Variants in ATF7 observed in about 807,000 individuals in gnomAD.
ATF7 encodes the protein activating transcription factor 7.
ATF7 carries 10 observed loss-of-function variants against 50.4 expected under a neutral mutation model. The ratio of observed to expected loss-of-function variants is 0.20; its 90% confidence interval spans 0.12 to 0.34. The LOEUF (loss-of-function observed/expected upper bound fraction) is 0.34. Ranked by LOEUF, ATF7 falls within the 10% of genes least tolerant of loss-of-function variation. The pLI is 1.00. For synonymous variants in ATF7, 201 were observed against 226.4 expected, an observed-to-expected ratio of 0.89 and a Z score of 1.01; for missense variants, 465 against 613.9, an observed-to-expected ratio of 0.76 and a Z score of 2.56.
Position 53,521,681 on chromosome 12 carries a change from T to C in ATF7, c.1234+1595A>G, listed in dbSNP as rs144688791. Among the ~76,000 whole-genome samples, 576 of 152,352 alleles carry C rather than the reference T, an allele frequency of 3.8e-3. 4 individuals are homozygous for C. The highest frequency in any genetic ancestry group is 0.013 in the African/African-American group (547 of 41,584). On this transcript the variant is annotated intron_variant, in intron 11 of 11. Transcript: ENST00000420353. ...ACATTTACTGTTATCTAACATGTCATATATTTTACCTATTTATCTTGTTTA... is the reference window on the plus strand; with the variant it reads ...ACATTTACTGTTATCTAACATGTCACATATTTTACCTATTTATCTTGTTTA...
At position 53,517,272 on chromosome 12, in the gene ATF7, G is replaced by A. The variant is rs1445885562; in HGVS notation, c.1317C>T (p.Gly439=). ...CTTCAGCTGCAGAGCGAACACTGAG[G>A]CCATTGCTAGGGGCTGTTGCTGAGC... ...QHSSATAPSN[G]LSVRSAAEAV... Residue 439 remains glycine (G), a synonymous_variant, in exon 12 of 12, where the codon GGC becomes GGT. Coordinates refer to ENST00000420353, the MANE Select transcript of ATF7 (RefSeq NM_006856.3). 3 of 1,613,966 alleles carry A rather than the reference G, an allele frequency of 1.9e-6. No individual in the cohort carries two copies. Among genetic ancestry groups the A allele is most frequent in the Non-Finnish European group, 1.7e-6 (2 of 1,179,922 alleles).
intron 3 of ATF7, among the ~76,000 whole-genome samples, chr12:53,546,609 C>T (rs1221065079): frequency 3.4e-5 from 5 of 149,234 alleles, no homozygotes; most frequent in African/African-American, 9.9e-5. Context: ...CCACCATGCC[C>T]GGCTAATTTT....
chr12:53,528,382 C>T (rs1938615311), intron 9 of ATF7, among the ~76,000 whole-genome samples: 1 of 152,078 alleles, frequency 6.6e-6, no homozygotes, highest in Non-Finnish European at 1.5e-5. Flanking sequence ...AATCCCAGCA[C>T]TTTGGGAGGC....
At chr12:53,525,454 T>C (rs1652170607) in intron 9 of ATF7, among the ~76,000 whole-genome samples, 1 of 152,084 alleles carries the variant, frequency 6.6e-6, no homozygotes, top group Admixed American at 6.6e-5. Context: ...AATAAAAAAG[T>C]TTGAGAATCA....
At chr12:53,526,584 T>C (rs1274065865) in intron 9 of ATF7, among the ~76,000 whole-genome samples, 1 of 152,180 alleles carries the variant, frequency 6.6e-6, no homozygotes, top group Admixed American at 6.6e-5. Flanking sequence ...AATATTAGGA[T>C]GGCTTCTGGT....
chr12:53,519,947 C>T (rs1238740822), intron 11 of ATF7, among the ~76,000 whole-genome samples: 2 of 152,116 alleles, frequency 1.3e-5, no homozygotes, highest in East Asian at 1.9e-4. Flanking sequence ...GGGGTTTCAC[C>T]GTGTTAGCCA....
chr12:53,534,261 AGCGAGCCTCTATC>A (rs1939088795), intron 6 of ATF7, among the ~76,000 whole-genome samples: 1 of 152,154 alleles, frequency 6.6e-6, no homozygotes, highest in African/African-American at 2.4e-5. Flanking sequence ...TGGGCGACAG[AGCGAGCCTCTATC>A]TCAAAAAAAC....
At chr12:53,553,285 A>G (rs957998156) in intron 2 of ATF7, among the ~76,000 whole-genome samples, 37 of 152,312 alleles carry the variant, frequency 2.4e-4, no homozygotes, top group Non-Finnish European at 1.8e-4. Flanking sequence ...GTCTCCCCTC[A>G]TCGGGCAGCC....
intron 2 of ATF7, among the ~76,000 whole-genome samples, chr12:53,553,855 T>G (rs1421957818): frequency 6.6e-6 from 1 of 152,222 alleles, no homozygotes; most frequent in Non-Finnish European, 1.5e-5. Context: ...TTTCCAAAGC[T>G]CTTCTTGACT....
intron 2 of ATF7, among the ~76,000 whole-genome samples, chr12:53,573,194 T>C (rs1481120444): frequency 6.6e-6 from 1 of 152,186 alleles, no homozygotes; most frequent in African/African-American, 2.4e-5. Flanking sequence ...ATTTTATTAT[T>C]AGTTGTTAAT....
At chr12:53,522,752 A>T (rs181864135) in intron 11 of ATF7, 1 of 153,262 alleles carries the variant, frequency 6.5e-6, no homozygotes, top group African/African-American at 2.4e-5. Context: ...CTGTAGTACC[A>T]GCTACTCGGG....
chr12:53,605,248 G>A (rs1241426442), intron 1 of ATF7, among the ~76,000 whole-genome samples: 1 of 152,022 alleles, frequency 6.6e-6, no homozygotes, highest in Non-Finnish European at 1.5e-5. Flanking sequence ...CATTAGCCAG[G>A]CATGGTGGCG....
At chr12:53,624,469 TG>T (rs1315813536) in intron 1 of ATF7, among the ~76,000 whole-genome samples, 1 of 152,252 alleles carries the variant, frequency 6.6e-6, no homozygotes, top group African/African-American at 2.4e-5. Context: ...AGTTATTAAT[TG>T]GCTATATTAG....
At chr12:53,534,294 A>C (rs547658895) in intron 6 of ATF7, among the ~76,000 whole-genome samples, 147 of 152,288 alleles carry the variant, frequency 9.7e-4, no homozygotes, top group African/African-American at 3.1e-3. Context: ...CCCAAAAAAA[A>C]CAAAAAGTAT....
At chr12:53,592,622 A>G (rs1053546933) in intron 2 of ATF7, among the ~76,000 whole-genome samples, 5 of 152,208 alleles carry the variant, frequency 3.3e-5, no homozygotes, top group Admixed American at 3.3e-4. Context: ...CAGTTAAGAT[A>G]CCCAATTTCT....
intron 4 of ATF7, among the ~76,000 whole-genome samples, chr12:53,538,581 G>T (rs1266887735): frequency 6.6e-6 from 1 of 152,178 alleles, no homozygotes; most frequent in African/African-American, 2.4e-5. Flanking sequence ...CGGCCTTGCA[G>T]GGAACAATAA....
chr12:53,572,571 G>C (rs1941822536), intron 2 of ATF7, among the ~76,000 whole-genome samples: 1 of 152,120 alleles, frequency 6.6e-6, no homozygotes, highest in Non-Finnish European at 1.5e-5. Context: ...CGGGGGGAAA[G>C]GGAAAAGTAC....
At chr12:53,622,785 C>A (rs999615734) in intron 1 of ATF7, among the ~76,000 whole-genome samples, 1 of 151,982 alleles carries the variant, frequency 6.6e-6, no homozygotes, top group African/African-American at 2.4e-5. Flanking sequence ...AGAGCCTGGG[C>A]AATGCAGGGA....
chr12:53,586,783 T>A (rs112154929), intron 2 of ATF7, among the ~76,000 whole-genome samples: 6,004 of 152,122 alleles, frequency 0.039, 362 homozygotes, highest in African/African-American at 0.13. Flanking sequence ...CATCACTCTC[T>A]CACACACACA....
Sources: allele counts gnomAD v4.1 joint callset (sites outside exome capture counted in the v4.1 genomes callset), GRCh38; gene constraint gnomAD v4.1.1; transcripts MANE v1.5; gene names NCBI Gene and HGNC (gene_info 2026-07-23, HGNC 2026-07-21).